GRXCR2: variants seen among roughly 807,000 people sequenced by gnomAD.
GRXCR2 encodes glutaredoxin domain-containing cysteine-rich protein 2.
Under a neutral mutation model 24.8 loss-of-function variants are expected in GRXCR2, and 23 were observed. The ratio of observed to expected loss-of-function variants is 0.93; its 90% CI spans 0.67 to 1.32. GRXCR2 has a LOEUF of 1.32. Among genes scored for constraint, GRXCR2 ranks in the 40% most tolerant of loss-of-function variants. The pLI, the probability that GRXCR2 is intolerant of heterozygous loss-of-function variation, is 0.00. For missense variants in GRXCR2, 315 were observed against 303.4 expected, an observed-to-expected ratio of 1.04 and a Z score of -0.28; for synonymous variants, 130 against 116.1, an observed-to-expected ratio of 1.12 and a Z score of -0.77.
chr5:145,871,186 T>A (rs904722471), intron 1 of GRXCR2, among the ~76,000 whole-genome samples: 5 of 152,216 alleles, frequency 3.3e-5, no homozygotes, highest in African/African-American at 1.2e-4. Context: ...TTGCATGAAC[T>A]GTGACTTTGT....
At position 145,872,900 on chromosome 5, in the gene GRXCR2, G is replaced by T. The variant is rs971467533; in HGVS notation, c.69C>A (p.Ile23=). ...DGKPRKVRFK[I]SSSYSGRVLK... is the part of the protein sequence containing the mutation. ...ATACTCGACCGCTGTAGGAGGAGGA[G>T]ATTTTAAATCGTACTTTCCGGGGTT... The change falls in exon 1 of 3, where the codon ATC becomes ATA. Residue 23 remains isoleucine (I), a synonymous_variant. Transcript: ENST00000377976. The T allele has an allele frequency of 1.2e-6, 2 of 1,614,148 alleles. No homozygotes were observed. The highest frequency in any genetic ancestry group is 2.7e-5 in the African/African-American group (2 of 75,042).
intron 2 of GRXCR2, among the ~76,000 whole-genome samples, chr5:145,863,166 C>G (rs867896238): frequency 2.0e-5 from 3 of 152,156 alleles, no homozygotes; most frequent in Non-Finnish European, 4.4e-5. Flanking sequence ...TCAGCCTTGC[C>G]CTACTCTTTC....
chr5:145,914,095 G>A (rs1757201040), intron 2 of GRXCR2, among the ~76,000 whole-genome samples: 1 of 152,164 alleles, frequency 6.6e-6, no homozygotes, highest in Non-Finnish European at 1.5e-5. Flanking sequence ...CAACTAAGGA[G>A]TGCTGCACAG....
At chr5:145,906,150 C>G (rs1022295728) in intron 2 of GRXCR2, among the ~76,000 whole-genome samples, 1 of 152,168 alleles carries the variant, frequency 6.6e-6, no homozygotes. Context: ...AGAGGCACCC[C>G]TCCTTCCCTT....
chr5:145,874,217 T>C (rs959215859), upstream of GRXCR2, among the ~76,000 whole-genome samples: 1 of 151,590 alleles, frequency 6.6e-6, no homozygotes, highest in Non-Finnish European at 1.5e-5. Flanking sequence ...TTATTTTTTT[T>C]TTTTTGAGAC....
At chr5:145,903,812 G>T (rs61016361) in intron 2 of GRXCR2, among the ~76,000 whole-genome samples, 1 of 152,096 alleles carries the variant, frequency 6.6e-6, no homozygotes, top group African/African-American at 2.4e-5. Context: ...TTCTGGAGCA[G>T]GCACACAACT....
intron 2 of GRXCR2, among the ~76,000 whole-genome samples, chr5:145,929,899 T>G (rs997118481): frequency 4.3e-4 from 65 of 152,144 alleles, no homozygotes; most frequent in African/African-American, 1.5e-3. Flanking sequence ...CACAATCACT[T>G]CCGTTTCTTT....
intron 2 of GRXCR2, among the ~76,000 whole-genome samples, chr5:145,922,946 A>G (rs1021376738): frequency 1.3e-5 from 2 of 152,256 alleles, no homozygotes; most frequent in African/African-American, 4.8e-5. Flanking sequence ...AAAGCGGTGC[A>G]AGCATTGCAG....
intron 2 of GRXCR2, among the ~76,000 whole-genome samples, chr5:145,887,597 T>C (rs1404532344): frequency 6.6e-6 from 1 of 152,250 alleles, no homozygotes; most frequent in Non-Finnish European, 1.5e-5. Flanking sequence ...CTCAGACTTC[T>C]GAGAAGATGA....
chr5:145,861,970 G>A (rs187616908), intron 2 of GRXCR2, among the ~76,000 whole-genome samples: 49 of 152,222 alleles, frequency 3.2e-4, no homozygotes, highest in Admixed American at 2.9e-3. Context: ...GTACCCTTTC[G>A]TTAATATTTT....
At position 145,866,694 on chromosome 5, in the gene GRXCR2, A is replaced by G; in HGVS notation, c.371T>C (p.Ile124Thr). 1 of 1,612,954 alleles carries G rather than the reference A, an allele frequency of 6.2e-7. No individual in the cohort carries two copies. The highest frequency in any genetic ancestry group is 8.5e-7 in the Non-Finnish European group (1 of 1,178,936). ...AATGATTTTCAGGTTATTAGTGTAG[A>G]TGATTATCTTTCCAAAATCTATAAT... ...LPIIDFGKII[I>T]YTNNLKIIRT... Residue 124 changes from isoleucine (I) to threonine (T), a missense_variant, in exon 2 of 3, where the codon ATC becomes ACC. Transcript: ENST00000377976.
chr5:145,926,047 A>T (rs536803105), intron 2 of GRXCR2, among the ~76,000 whole-genome samples: 1 of 152,224 alleles, frequency 6.6e-6, no homozygotes, highest in Non-Finnish European at 1.5e-5. Context: ...GTTTAATAAG[A>T]ATTAAGGTTG....
intron 2 of GRXCR2, among the ~76,000 whole-genome samples, chr5:145,904,769 T>G (rs1327636441): frequency 1.3e-5 from 2 of 152,218 alleles, no homozygotes; most frequent in East Asian, 3.8e-4. Flanking sequence ...CCTCTCATGG[T>G]TCTGCAGCTG....
intron 2 of GRXCR2, among the ~76,000 whole-genome samples, chr5:145,896,614 A>G (rs1430046748): frequency 6.6e-6 from 1 of 152,218 alleles, no homozygotes; most frequent in Non-Finnish European, 1.5e-5. Flanking sequence ...AATGGCAAAC[A>G]TTAAAAAAGT....
intron 2 of GRXCR2, among the ~76,000 whole-genome samples, chr5:145,918,677 C>T (rs1218318472): frequency 6.6e-6 from 1 of 152,168 alleles, no homozygotes; most frequent in Non-Finnish European, 1.5e-5. Flanking sequence ...TCACCTGCTC[C>T]CACCTGTGTA....
intron 2 of GRXCR2, among the ~76,000 whole-genome samples, chr5:145,902,383 T>C (rs1384843123): frequency 6.6e-6 from 1 of 152,162 alleles, no homozygotes; most frequent in Non-Finnish European, 1.5e-5. Context: ...GATTATAGAA[T>C]GTGATCCAAT....
chr5:145,906,870 C>T (rs1201812741), intron 2 of GRXCR2, among the ~76,000 whole-genome samples: 2 of 145,516 alleles, frequency 1.4e-5, no homozygotes, highest in South Asian at 2.1e-4. Context: ...GATAGTGATC[C>T]GAAATGAAAC....
chr5:145,872,957 AGG>A lies in GRXCR2; in HGVS notation c.10_11del (p.Pro4Ter). ...CACTCTTCTGATTCAGCTTTTTCTC[AGG>A]GTCCTCCATCAGCAGAAAGTTGACC... The part of the protein sequence containing the change: MED[P>X]EKKLNQKSDG... On this transcript the variant is annotated frameshift_variant, in exon 1 of 3. Transcript: ENST00000377976. LOFTEE classifies it high-confidence loss of function. 1 of 1,613,902 alleles carries A rather than the reference AGG, an allele frequency of 6.2e-7. No homozygotes were observed. Among genetic ancestry groups the A allele is most frequent in the Non-Finnish European group, 8.5e-7 (1 of 1,179,808 alleles).
Position 145,859,414 on chromosome 5 carries a change from G to A in GRXCR2, c.*319C>T. On this transcript the variant is annotated 3_prime_UTR_variant, in exon 3 of 3. Transcript: ENST00000377976. ...TAACTCCCAACCTGATGCCTGAAGT[G>A]TACATGTATTTGCTCACTGAAGCAA... 1 of 351,926 alleles carries A rather than the reference G, an allele frequency of 2.8e-6. No homozygotes were observed. Among genetic ancestry groups the A allele is most frequent in the South Asian group, 4.3e-5 (1 of 23,428 alleles). The allele number at this position is 351,926 out of a possible 1,614,324, so 21.8% of individuals were successfully genotyped here. A position where few individuals can be genotyped will look rare whatever the true frequency, so the allele number is the denominator to read the frequency against.
Sources: allele counts gnomAD v4.1 joint callset (sites outside exome capture counted in the v4.1 genomes callset), GRCh38; gene constraint gnomAD v4.1.1; transcripts MANE v1.5; gene names NCBI Gene and HGNC (gene_info 2026-07-23, HGNC 2026-07-21).